SPG11: variants seen among roughly 807,000 people sequenced by gnomAD.
The protein encoded by SPG11 is spatacsin.
SPG11 carries 222 observed loss-of-function variants against 274.0 expected under a neutral mutation model. The observed-to-expected ratio is 0.81, with a 90% CI of 0.73 to 0.91. The LOEUF is 0.91. SPG11 is among the 40% of genes least tolerant of loss of function. SPG11 has a pLI of 0.00. For missense variants in SPG11, 3,114 were observed against 2,872.7 expected, an observed-to-expected ratio of 1.08 and a Z score of -1.92; for synonymous variants, 1,144 against 1,039.7, an observed-to-expected ratio of 1.10 and a Z score of -1.93.
intron 35 of SPG11, among the ~76,000 whole-genome samples, chr15:44,567,978 A>G (rs1046844044): frequency 6.6e-6 from 1 of 152,266 alleles, no homozygotes. Flanking sequence ...AGAGAATACC[A>G]TGTAGCCATT....
In SPG11 at chr15:44,563,682, C is replaced by G. The variant is rs185250648; in HGVS notation, c.7152-381G>C. On this transcript the variant is annotated intron_variant, in intron 39 of 39. Transcript: ENST00000261866. ...AAAAGATGGAGGTCTCACTGTGTTG[C>G]CCAGGCTGGAGTACAGTGGTTTTTC... Among the ~76,000 whole-genome samples the G allele has an allele frequency of 4.6e-5, 7 of 152,130 alleles. No individual in the cohort carries two copies. In the East Asian group the frequency reaches 1.4e-3, roughly 30 times the overall value.
chr15:44,638,747 G>A (rs1453252985), intron 7 of SPG11, among the ~76,000 whole-genome samples: 3 of 152,186 alleles, frequency 2.0e-5, no homozygotes, highest in Non-Finnish European at 2.9e-5. Context: ...TGTAATCCCG[G>A]CACTTTGGGA....
At chr15:44,657,024 A>C (rs1019702615) in intron 4 of SPG11, 71 bp downstream of exon 4, 1 of 1,359,872 alleles carries the variant, frequency 7.4e-7, no homozygotes, top group Non-Finnish European at 1.0e-6. Flanking sequence ...AAAAAAACTA[A>C]CGAGGATATT....
chr15:44,651,493 G>T lies in SPG11; in HGVS notation c.1454C>A (p.Thr485Lys). 3 of 1,613,632 alleles carry T rather than the reference G, an allele frequency of 1.9e-6. No individual in the cohort carries two copies. Among genetic ancestry groups the T allele is most frequent in the Non-Finnish European group, 2.5e-6 (3 of 1,179,572 alleles). The stretch of plus-strand genomic sequence containing the variant: ...AATCTAATACAAGACAGTCTCACCT[G>T]TCAAAACAAAGCACAGCTGCTGGTC... ...SGDQQLCFVL[T>K]ENGLSLILFG... Residue 485 changes from threonine (T) to lysine (K), a missense_variant and splice_region_variant, in exon 6 of 40, where the codon ACA (threonine) becomes AAA (lysine). Physicochemically the swap from Thr to Lys is moderately conservative, Grantham distance 78 (BLOSUM62 -1). Coordinates refer to ENST00000261866, the MANE Select transcript of SPG11 (RefSeq NM_025137.4).
At chr15:44,601,065 T>C (rs1309081580) in intron 20 of SPG11, among the ~76,000 whole-genome samples, 1 of 152,028 alleles carries the variant, frequency 6.6e-6, no homozygotes, top group Non-Finnish European at 1.5e-5. Context: ...GGCAGGAGAA[T>C]CACTTGAACC....
intron 23 of SPG11, among the ~76,000 whole-genome samples, chr15:44,597,656 T>A (rs187243861): frequency 1.3e-3 from 202 of 152,322 alleles, no homozygotes; most frequent in African/African-American, 4.4e-3. Flanking sequence ...AGGGTACATG[T>A]TCCTGCTGCA....
chr15:44,663,451 A>C lies in SPG11; in HGVS notation c.197T>G (p.Leu66Arg). ...GCCCCGGCTGCCAGGCGTCAAAGAA[A>C]GCACTTGGAGGCTGCCCGCAGCCGT... Reference protein sequence around the residue: ...SLTAAGSLQVLSLTPGSRGGG... With the variant: ...SLTAAGSLQVRSLTPGSRGGG... Residue 66 changes from leucine (L) to arginine (R), a missense_variant, in exon 1 of 40, where the codon CTT becomes CGT. Physicochemically the swap from Leu to Arg is moderately radical, Grantham distance 102 (BLOSUM62 -2). Coordinates refer to ENST00000261866, the MANE Select transcript of SPG11 (RefSeq NM_025137.4). The C allele has an allele frequency of 6.2e-7, 1 of 1,601,080 alleles. No homozygotes were observed. The highest frequency in any genetic ancestry group is 8.5e-7 in the Non-Finnish European group (1 of 1,174,538).
chr15:44,624,992 C>T (rs919961056), intron 11 of SPG11, among the ~76,000 whole-genome samples: 6 of 151,994 alleles, frequency 3.9e-5, no homozygotes, highest in African/African-American at 1.5e-4. Context: ...CAAAATTAGC[C>T]AGGCATGGTG....
intron 33 of SPG11, 69 bp downstream of exon 33, chr15:44,572,614 G>T: frequency 6.4e-7 from 1 of 1,556,152 alleles, no homozygotes; most frequent in Non-Finnish European, 8.8e-7. Context: ...ATCAAGTTTT[G>T]GAGAGACTGG....
In SPG11 at chr15:44,574,441, G is replaced by A. The variant is rs75082425; in HGVS notation, c.6006+461C>T. ...TCCAAGACGAGGGCTTTAGGGTTTG[G>A]CTTTATTTCTCTTGTGCTCTTCTAC... On this transcript the variant is annotated intron_variant, in intron 31 of 39. Coordinates refer to ENST00000261866, the MANE Select transcript of SPG11 (RefSeq NM_025137.4). Among the ~76,000 whole-genome samples, 5 of 152,286 alleles carry A rather than the reference G, an allele frequency of 3.3e-5. No individual in the cohort carries two copies. The East Asian group carries it at 9.6e-4, about 29-fold the overall frequency.
intron 1 of SPG11, among the ~76,000 whole-genome samples, chr15:44,663,147 G>A (rs534851776): frequency 6.6e-5 from 10 of 152,252 alleles, no homozygotes; most frequent in African/African-American, 2.4e-4. Context: ...GGAGCTGGGT[G>A]CCGTCTCCGC....
intron 11 of SPG11, 115 bp downstream of exon 11, chr15:44,626,216 T>C: frequency 1.1e-6 from 1 of 900,132 alleles, no homozygotes; most frequent in South Asian, 1.7e-5. Flanking sequence ...CTTAGTGTCA[T>C]TATTTACTAC....
intron 21 of SPG11, 147 bp from the exon 22 acceptor site, chr15:44,598,983 C>A (rs759205037): frequency 2.5e-6 from 2 of 799,130 alleles, no homozygotes; most frequent in Admixed American, 4.4e-5. Context: ...CTTGCACATA[C>A]CCGTTTAGGT....
intron 8 of SPG11, among the ~76,000 whole-genome samples, chr15:44,631,221 G>C (rs1391167825): frequency 6.6e-6 from 1 of 152,078 alleles, no homozygotes; most frequent in Non-Finnish European, 1.5e-5. Context: ...CTAAGAACTA[G>C]AATAAATCTA....
At chr15:44,604,476 G>A (rs2083269971) in intron 20 of SPG11, among the ~76,000 whole-genome samples, 1 of 152,102 alleles carries the variant, frequency 6.6e-6, no homozygotes, top group South Asian at 2.1e-4. Context: ...GCTTAGTGTG[G>A]AGACTGCGTA....
At chr15:44,590,693 T>C (rs2082880468) in intron 27 of SPG11, 1 of 152,212 alleles carries the variant, frequency 6.6e-6, no homozygotes, top group Non-Finnish European at 1.5e-5. Flanking sequence ...CTAGACTTCA[T>C]ACAACATAAT....
intron 1 of SPG11, among the ~76,000 whole-genome samples, chr15:44,662,159 A>G (rs962864215): frequency 5.9e-5 from 9 of 152,224 alleles, no homozygotes; most frequent in African/African-American, 1.9e-4. Context: ...TTAGTTTATA[A>G]TAAGTTTATA....
Position 44,651,544 on chromosome 15 carries a change from T to C in SPG11, c.1403A>G (p.Lys468Arg). 6.2e-7 allele frequency: 1 copy of C among 1,614,176 alleles called. No homozygotes were observed. The highest frequency in any genetic ancestry group is 8.5e-7 in the Non-Finnish European group (1 of 1,180,020). Reference sequence around the variant, plus strand: ...TCCACTACTGTCTACAGGAATACACTTTGTGCCAAGGGAAAAACACTGCAT... The same window carrying C: ...TCCACTACTGTCTACAGGAATACACCTTGTGCCAAGGGAAAAACACTGCAT... ...QGMQCFSLGT[K>R]CIPVDSSGDQ... The change falls in exon 6 of 40, where the codon AAG becomes AGG. Residue 468 changes from lysine (K) to arginine (R), a missense_variant. Transcript: ENST00000261866.
chr15:44,575,779 G>A (rs2082522945), intron 30 of SPG11, among the ~76,000 whole-genome samples: 1 of 152,116 alleles, frequency 6.6e-6, no homozygotes. Flanking sequence ...ACAGGCATGG[G>A]CCACTGCACC....
Sources: gnomAD v4.1 joint callset for allele counts (sites outside exome capture counted in the v4.1 genomes callset) on GRCh38, gnomAD v4.1.1 for gene constraint, MANE v1.5 for transcripts, NCBI Gene and HGNC (gene_info 2026-07-23, HGNC 2026-07-21) for gene names.